Variants in CD200 observed in about 807,000 individuals in gnomAD.
The protein encoded by CD200 is CD200 molecule, also known as OX-2 membrane glycoprotein.
CD200 carries 15 observed loss-of-function variants against 30.9 expected under a neutral mutation model. The observed-to-expected ratio is 0.49, with a 90% confidence interval of 0.32 to 0.75. CD200 has a LOEUF of 0.75. CD200 is among the 30% of genes least tolerant of loss of function. The pLI, the probability that CD200 is intolerant of heterozygous loss-of-function variation, is 0.03. For missense variants in CD200, 262 were observed against 324.2 expected, an observed-to-expected ratio of 0.81 and a Z score of 1.47; for synonymous variants, 134 against 126.2, an observed-to-expected ratio of 1.06 and a Z score of -0.41.
chr3:112,361,634 C>T lies in CD200; in HGVS notation c.*84C>T. Reference sequence around the variant, plus strand: ...AAAAGCAGGAGGAAAAGGGGCCATTCTCCAAAGGACCTGAAAGAGCAAAAG... The same window carrying T: ...AAAAGCAGGAGGAAAAGGGGCCATTTTCCAAAGGACCTGAAAGAGCAAAAG... On this transcript the variant is annotated 3_prime_UTR_variant, in exon 6 of 6. Transcript: ENST00000315711. 1 of 1,250,956 alleles carries T rather than the reference C, an allele frequency of 8.0e-7. No individual in the cohort carries two copies. The highest frequency in any genetic ancestry group is 1.2e-6 in the Non-Finnish European group (1 of 849,200). 77.5% of individuals were successfully genotyped at this position (1,250,956 alleles called of 1,614,324 possible).
At position 112,352,101 on chromosome 3, in the gene CD200, T is replaced by C. The variant is rs143077425; in HGVS notation, c.802+2282T>C. 6.7e-3 allele frequency among the ~76,000 whole-genome samples: 1,020 copies of C among 152,278 alleles called. 14 individuals are homozygous for C. The highest frequency in any genetic ancestry group is 0.024 in the African/African-American group (980 of 41,544). On this transcript the variant is annotated intron_variant, in intron 5 of 5. Coordinates refer to ENST00000315711, the MANE Select transcript of CD200 (RefSeq NM_005944.7). ...AGTATCCAAACTACAACAACTGATT[T>C]AGAAATTTTAACAGCCAGATAATTT...
chr3:112,333,298 C>G, intron 1 of CD200, 74 bp downstream of exon 1: 1 of 1,508,948 alleles, frequency 6.6e-7, no homozygotes, highest in Admixed American at 2.1e-5. Context: ...GGGCGGGCGG[C>G]GAGTGGAAGG....
chr3:112,336,058 A>G (rs748915025), intron 1 of CD200: 9 of 1,265,460 alleles, frequency 7.1e-6, no homozygotes, highest in Non-Finnish European at 9.3e-6. Flanking sequence ...TTGGTTAGTA[A>G]CTTCTCTTGC....
In CD200 at chr3:112,345,278, C is replaced by T. The variant is rs989743681; in HGVS notation, c.411C>T (p.Leu137=). ...GGAAGATCTCAGGAACGGCCTGCCT[C>T]ACCGTCTATGGTGAGAATCTCTGAG... ...GFGKISGTAC[L]TVYVQPIVSL... The change falls in exon 3 of 6, where the codon CTC becomes CTT. Residue 137 remains leucine (L), a synonymous_variant. Coordinates refer to ENST00000315711, the MANE Select transcript of CD200 (RefSeq NM_005944.7). 2.5e-6 allele frequency: 4 copies of T among 1,612,114 alleles called. No homozygotes were observed. Among genetic ancestry groups the T allele is most frequent in the Non-Finnish European group, 3.4e-6 (4 of 1,178,286 alleles).
chr3:112,357,729 T>A (rs2081654184), intron 5 of CD200, among the ~76,000 whole-genome samples: 2 of 152,124 alleles, frequency 1.3e-5, no homozygotes, highest in African/African-American at 4.8e-5. Flanking sequence ...AGTCTTAATG[T>A]CATCAATAGG....
intron 5 of CD200, among the ~76,000 whole-genome samples, chr3:112,360,746 T>G (rs940733527): frequency 2.0e-5 from 3 of 152,150 alleles, no homozygotes; most frequent in African/African-American, 7.2e-5. Flanking sequence ...AAATTCCAAG[T>G]CTTTTACTTC....
chr3:112,332,923 T>A (rs1030386339), upstream of CD200: 193 of 476,058 alleles, frequency 4.1e-4, no homozygotes, highest in South Asian at 6.4e-4. Flanking sequence ...AAAAAAAAAA[T>A]GATTTTTTTT....
Position 112,344,993 on chromosome 3 carries a change from G to A in CD200, c.126G>A (p.Gln42=). The change falls in exon 3 of 6, where the codon CAG becomes CAA. Residue 42 remains glutamine (Q), a synonymous_variant. Coordinates refer to ENST00000315711, the MANE Select transcript of CD200 (RefSeq NM_005944.7). ...VQVVTQDERE[Q]LYTPASLKCS... is the part of the protein sequence containing the mutation. ...TGGTGACCCAGGATGAAAGAGAGCAGCTGTACACACCTGCTTCCTTAAAAT... is the reference window on the plus strand; with the variant it reads ...TGGTGACCCAGGATGAAAGAGAGCAACTGTACACACCTGCTTCCTTAAAAT... 2 of 1,613,926 alleles carry A rather than the reference G, an allele frequency of 1.2e-6. No individual in the cohort carries two copies. The highest frequency in any genetic ancestry group is 1.7e-5 in the Admixed American group (1 of 59,982).
chr3:112,343,619 T>C (rs2081318572), intron 2 of CD200, among the ~76,000 whole-genome samples: 1 of 152,224 alleles, frequency 6.6e-6, no homozygotes. Context: ...TCAAATTTCC[T>C]ATTTAACTTT....
chr3:112,346,979 TG>T (rs2081410774), intron 3 of CD200, among the ~76,000 whole-genome samples: 2 of 152,336 alleles, frequency 1.3e-5, no homozygotes, highest in African/African-American at 4.8e-5. Context: ...TTCCAAATTT[TG>T]GTTTTGTGTA....
At chr3:112,347,929 C>A in intron 4 of CD200, 99 bp downstream of exon 4, 1 of 1,066,592 alleles carries the variant, frequency 9.4e-7, no homozygotes, top group Non-Finnish European at 1.3e-6. Flanking sequence ...TTAGCATAAT[C>A]TATTTGGAGA....
At chr3:112,343,222 G>GAGTATAATATATACACTATATTA (rs2081308502) in intron 2 of CD200, among the ~76,000 whole-genome samples, 1 of 151,664 alleles carries the variant, frequency 6.6e-6, no homozygotes, top group African/African-American at 2.4e-5. Context: ...TACATATAAA[G>GAGTATAATATATACACTATATTA]TATATAGTGT....
chr3:112,344,799 A>G (rs1398927597), intron 2 of CD200, among the ~76,000 whole-genome samples, 163 bp from the exon 3 acceptor site: 3 of 152,146 alleles, frequency 2.0e-5, no homozygotes, highest in Non-Finnish European at 2.9e-5. Context: ...TTGAACCTAT[A>G]TATTTCTCTG....
At chr3:112,355,821 T>C (rs1012053656) in intron 5 of CD200, among the ~76,000 whole-genome samples, 9 of 152,130 alleles carry the variant, frequency 5.9e-5, no homozygotes, top group African/African-American at 2.2e-4. Flanking sequence ...AAAATATATA[T>C]ATTTGATGAA....
intron 5 of CD200, among the ~76,000 whole-genome samples, chr3:112,354,708 C>T (rs1466233922): frequency 6.6e-6 from 1 of 152,210 alleles, no homozygotes; most frequent in Admixed American, 6.5e-5. Flanking sequence ...AAACAACACA[C>T]ATGTATTATA....
At chr3:112,353,900 A>C (rs1370681390) in intron 5 of CD200, among the ~76,000 whole-genome samples, 2 of 152,190 alleles carry the variant, frequency 1.3e-5, no homozygotes, top group Non-Finnish European at 2.9e-5. Flanking sequence ...AGGAGGAAGA[A>C]ATGTGATGCT....
In CD200 at chr3:112,342,091, G is replaced by C. The variant is rs2081251267; in HGVS notation, c.94+1108G>C. ...CCAGATTATCAGTCTTTAAAAACAA[G>C]TCTGGATGCTTGTGATCAAGTTTAC... On this transcript the variant is annotated intron_variant, in intron 2 of 5. Coordinates refer to ENST00000315711, the MANE Select transcript of CD200 (RefSeq NM_005944.7). Among the ~76,000 whole-genome samples the C allele has an allele frequency of 3.3e-5, 5 of 151,986 alleles. No individual in the cohort carries two copies. In the South Asian group the frequency reaches 1.0e-3, roughly 32 times the overall value.
chr3:112,341,757 A>AT (rs2081243587), intron 2 of CD200, among the ~76,000 whole-genome samples: 1 of 152,114 alleles, frequency 6.6e-6, no homozygotes, highest in Admixed American at 6.5e-5. Flanking sequence ...GAAAAAAAAA[A>AT]CTCATCTAAG....
At chr3:112,335,851 C>T (rs2081103115) in intron 1 of CD200, 3 of 903,862 alleles carry the variant, frequency 3.3e-6, no homozygotes, top group East Asian at 4.8e-5. Flanking sequence ...GTGCTCAACA[C>T]ACACAACCAC....
Sources: gnomAD v4.1 joint callset for allele counts (sites outside exome capture counted in the v4.1 genomes callset) on GRCh38, gnomAD v4.1.1 for gene constraint, MANE v1.5 for transcripts, NCBI Gene and HGNC (gene_info 2026-07-23, HGNC 2026-07-21) for gene names.